Variants in VRK3 observed in about 807,000 individuals in gnomAD.
VRK3 encodes the protein serine/threonine-protein kinase VRK3.
A neutral mutation model predicts 60.4 loss-of-function variants in VRK3; 50 were observed. The observed-to-expected ratio is 0.83, with a 90% confidence interval of 0.66 to 1.05. VRK3 has a LOEUF of 1.05. Among genes scored for constraint, VRK3 ranks in the 50% least tolerant of loss-of-function variants. The pLI, the probability that VRK3 is intolerant of heterozygous loss-of-function variation, is 0.00. For synonymous variants in VRK3, 246 were observed against 227.8 expected, an observed-to-expected ratio of 1.08 and a Z score of -0.72; for missense variants, 549 against 585.3, an observed-to-expected ratio of 0.94 and a Z score of 0.64.
At chr19:50,015,952 T>G (rs2077069099) in intron 3 of VRK3, 72 bp downstream of exon 3, 2 of 1,598,228 alleles carry the variant, frequency 1.3e-6, no homozygotes, top group East Asian at 2.2e-5. Flanking sequence ...AAAGGCATCC[T>G]CCCTCCGCAG....
intron 10 of VRK3, among the ~76,000 whole-genome samples, chr19:49,990,535 CA>C (rs1294352680): frequency 1.3e-5 from 2 of 151,452 alleles, no homozygotes; most frequent in African/African-American, 4.9e-5. Flanking sequence ...CATGCACCAC[CA>C]TGCCCAGCCG....
At chr19:49,990,654 TC>T (rs1394640516) in intron 10 of VRK3, among the ~76,000 whole-genome samples, 1 of 152,198 alleles carries the variant, frequency 6.6e-6, no homozygotes, top group African/African-American at 2.4e-5. Flanking sequence ...TGTCTTCTTT[TC>T]AATGGCTGCA....
intron 5 of VRK3, among the ~76,000 whole-genome samples, chr19:50,007,347 C>T (rs7249301): frequency 0.052 from 7,971 of 152,092 alleles, 690 homozygotes; most frequent in African/African-American, 0.18. Context: ...CCGCAGTCCC[C>T]GCCACTCCCA....
chr19:50,024,481 G>A (rs2077230394), intron 1 of VRK3, among the ~76,000 whole-genome samples: 1 of 152,206 alleles, frequency 6.6e-6, no homozygotes, highest in African/African-American at 2.4e-5. Context: ...TAAAGTTATA[G>A]ATAAGGGACT....
At chr19:50,004,779 G>A (rs1158400890) in intron 5 of VRK3, among the ~76,000 whole-genome samples, 2 of 151,886 alleles carry the variant, frequency 1.3e-5, no homozygotes, top group Non-Finnish European at 2.9e-5. Context: ...GCGTGGTGGC[G>A]CCTGCCTGTA....
At chr19:50,000,739 T>C in intron 6 of VRK3, 51 bp downstream of exon 6, 1 of 1,561,316 alleles carries the variant, frequency 6.4e-7, no homozygotes, top group Non-Finnish European at 8.7e-7. Context: ...AAGGATGTGT[T>C]TGTGAAAGTC....
rs964665901 is a variant in VRK3 at position 49,994,884 on chromosome 19, T to A, written c.800A>T (p.Gln267Leu). Residue 267 changes from glutamine (Q) to leucine (L), a missense_variant, in exon 9 of 15, where the codon CAG becomes CTG. Transcript: ENST00000316763. ...LVLPSLGRSLQSALDVSPKHV... is the reference protein window; with the variant it reads ...LVLPSLGRSLLSALDVSPKHV... ...CTTTGGGCTGACATCCAGGGCCGAC[T>A]GAAGGCTCCTCCCCAGGCTGGGTAA... 5.0e-6 allele frequency: 8 copies of A among 1,614,076 alleles called. No homozygotes were observed. Among genetic ancestry groups the A allele is most frequent in the Non-Finnish European group, 6.8e-6 (8 of 1,180,010 alleles).
chr19:50,002,198 G>A (rs1040189282), intron 5 of VRK3, among the ~76,000 whole-genome samples: 2 of 151,928 alleles, frequency 1.3e-5, no homozygotes, highest in Admixed American at 6.6e-5. Context: ...CTTCATCATC[G>A]AGGCTGGTAT....
chr19:49,997,667 G>C (rs1012594353), intron 6 of VRK3, 97 bp from the exon 7 acceptor site: 1 of 1,375,650 alleles, frequency 7.3e-7, no homozygotes, highest in Non-Finnish European at 1.0e-6. Context: ...TCAATGACCA[G>C]GCTCCTCATC....
chr19:49,988,043 T>TA (rs999668646), intron 12 of VRK3: 80 of 201,034 alleles, frequency 4.0e-4, no homozygotes, highest in African/African-American at 1.8e-3. Context: ...TGCTAAGTGC[T>TA]GTGTGCACCT....
At chr19:49,979,297 C>A in intron 13 of VRK3, 55 bp from the exon 14 acceptor site, 1 of 1,612,084 alleles carries the variant, frequency 6.2e-7, no homozygotes, top group Non-Finnish European at 8.5e-7. Flanking sequence ...CCCCCAACCC[C>A]GATCCTGGGG....
chr19:49,976,949 T>A (rs1222806293), intron 14 of VRK3, among the ~76,000 whole-genome samples, 165 bp from the exon 15 acceptor site: 1 of 152,020 alleles, frequency 6.6e-6, no homozygotes, highest in Non-Finnish European at 1.5e-5. Flanking sequence ...GGGCTTAGGA[T>A]GAGGAGGAGG....
At chr19:50,022,754 G>A (rs770085257) in intron 1 of VRK3, among the ~76,000 whole-genome samples, 64 of 152,084 alleles carry the variant, frequency 4.2e-4, no homozygotes, top group South Asian at 8.3e-4. Context: ...AGATTGCACC[G>A]CTGCACTCCA....
chr19:49,980,900 G>A (rs1292847513), intron 13 of VRK3, 55 bp downstream of exon 13: 14 of 1,543,124 alleles, frequency 9.1e-6, no homozygotes, highest in African/African-American at 2.7e-5. Flanking sequence ...AGATGGATCT[G>A]AGCCACCAGG....
intron 5 of VRK3, among the ~76,000 whole-genome samples, chr19:50,005,936 A>G (rs944991891): frequency 1.3e-5 from 2 of 149,122 alleles, no homozygotes; most frequent in African/African-American, 5.2e-5. Context: ...CTGGAATTAG[A>G]TAGTGACGAT....
intron 12 of VRK3, chr19:49,981,674 G>T: frequency 1.0e-6 from 1 of 989,124 alleles, no homozygotes; most frequent in South Asian, 4.6e-5. Context: ...AGACGGAGAG[G>T]ATCCCTTTGA....
intron 14 of VRK3, chr19:49,978,648 AGC>A (rs1291309106): frequency 6.2e-6 from 1 of 161,308 alleles, no homozygotes; most frequent in South Asian, 1.6e-4. Context: ...GGCATGGAGC[AGC>A]TACCTTTTGT....
At chr19:49,978,764 C>T (rs2076373000) in intron 14 of VRK3, 2 of 222,198 alleles carry the variant, frequency 9.0e-6, no homozygotes, top group South Asian at 1.8e-4. Context: ...CAGAAGATGG[C>T]GAGAGACAAA....
intron 13 of VRK3, among the ~76,000 whole-genome samples, chr19:49,980,543 C>A (rs1302514645): frequency 6.6e-6 from 1 of 152,012 alleles, no homozygotes; most frequent in Non-Finnish European, 1.5e-5. Context: ...TGATGAAACC[C>A]CGTCTCTACT....
Sources: allele counts gnomAD v4.1 joint callset (sites outside exome capture counted in the v4.1 genomes callset), GRCh38; gene constraint gnomAD v4.1.1; transcripts MANE v1.5; gene names NCBI Gene and HGNC (gene_info 2026-07-23, HGNC 2026-07-21).